Variants in CLSTN2 observed in about 807,000 individuals in gnomAD.
CLSTN2 encodes the protein calsyntenin 2.
Under a neutral mutation model 101.2 loss-of-function variants are expected in CLSTN2, and 48 were observed. The ratio of observed to expected loss-of-function variants is 0.47; its 90% CI spans 0.38 to 0.60. The LOEUF (loss-of-function observed/expected upper bound fraction) is 0.60. Ranked by LOEUF, CLSTN2 falls within the 20% of genes least tolerant of loss-of-function variation. CLSTN2 has a pLI of 0.00. For missense variants in CLSTN2, 1,160 were observed against 1,238.2 expected, an observed-to-expected ratio of 0.94 and a Z score of 0.95; for synonymous variants, 481 against 463.6, an observed-to-expected ratio of 1.04 and a Z score of -0.48.
In CLSTN2 at chr3:140,566,854, T is replaced by C. The variant is rs1041877660; in HGVS notation, c.*601T>C. 6.5e-6 allele frequency: 1 copy of C among 153,512 alleles called. No individual in the cohort carries two copies. 9.5% of individuals were successfully genotyped at this position (153,512 alleles called of 1,614,324 possible). On this transcript the variant is annotated 3_prime_UTR_variant, in exon 17 of 17. Transcript: ENST00000458420. ...TCTAGTTCCCCAGCTTGGAGAGCCT[T>C]TCCCCTTGCTTCTTTCTGAGGCCAT...
At chr3:140,150,255 T>C (rs2009841494) in intron 1 of CLSTN2, among the ~76,000 whole-genome samples, 1 of 152,206 alleles carries the variant, frequency 6.6e-6, no homozygotes, top group Admixed American at 6.5e-5. Flanking sequence ...GGAATGAGCG[T>C]TGCACAGTGA....
chr3:140,398,495 T>G (rs1042691770), intron 2 of CLSTN2, among the ~76,000 whole-genome samples: 1 of 152,174 alleles, frequency 6.6e-6, no homozygotes, highest in African/African-American at 2.4e-5. Flanking sequence ...AACATCTTAG[T>G]ATTAATATGA....
chr3:140,164,768 G>C (rs1330555045), intron 1 of CLSTN2, among the ~76,000 whole-genome samples: 2 of 152,186 alleles, frequency 1.3e-5, no homozygotes, highest in Admixed American at 1.3e-4. Flanking sequence ...AAAGGATATT[G>C]CCATATAGTT....
intron 2 of CLSTN2, among the ~76,000 whole-genome samples, chr3:140,318,551 T>TC (rs1309534400): frequency 6.6e-6 from 1 of 152,220 alleles, no homozygotes; most frequent in Non-Finnish European, 1.5e-5. Flanking sequence ...TCTCAGGCTG[T>TC]AACCTAAACA....
At chr3:140,438,872 G>A (rs1316949324) in intron 5 of CLSTN2, among the ~76,000 whole-genome samples, 1 of 152,200 alleles carries the variant, frequency 6.6e-6, no homozygotes, top group Non-Finnish European at 1.5e-5. Context: ...AGCTGAGAAG[G>A]GTGTGAGCTG....
intron 1 of CLSTN2, among the ~76,000 whole-genome samples, chr3:140,032,005 A>G (rs2007562163): frequency 6.6e-6 from 1 of 152,160 alleles, no homozygotes; most frequent in Admixed American, 6.5e-5. Flanking sequence ...CTCTGTAGCG[A>G]TGGGAACACT....
At position 140,562,326 on chromosome 3, in the gene CLSTN2, C is replaced by T. The variant is rs780414925; in HGVS notation, c.2212+18C>T. 1 of 1,604,448 alleles carries T rather than the reference C, an allele frequency of 6.2e-7. No homozygotes were observed. The highest frequency in any genetic ancestry group is 8.5e-7 in the Non-Finnish European group (1 of 1,176,200). ...CATCTACGGTAAGGCCACACTCAGC[C>T]CCCTTTGCCCCAAGGGTGTCCTCTT... On this transcript the variant is annotated intron_variant, in intron 13 of 16. Transcript: ENST00000458420.
At chr3:140,504,972 T>C (rs911596541) in intron 8 of CLSTN2, among the ~76,000 whole-genome samples, 1 of 152,202 alleles carries the variant, frequency 6.6e-6, no homozygotes, top group Non-Finnish European at 1.5e-5. Context: ...GTGCTTAAGA[T>C]CTTAGATATC....
chr3:140,192,265 G>A (rs995502183), intron 2 of CLSTN2, among the ~76,000 whole-genome samples: 2 of 151,750 alleles, frequency 1.3e-5, no homozygotes, highest in Non-Finnish European at 2.9e-5. Context: ...TATTCTGTGG[G>A]CACTTACTAC....
chr3:140,339,558 T>C (rs2087472336), intron 2 of CLSTN2, among the ~76,000 whole-genome samples: 1 of 152,124 alleles, frequency 6.6e-6, no homozygotes, highest in East Asian at 1.9e-4. Flanking sequence ...AAACTCGACC[T>C]ACTAAATGAG....
Position 140,403,987 on chromosome 3 carries a change from A to G in CLSTN2, c.428+163A>G, listed in dbSNP as rs368435868. On this transcript the variant is annotated intron_variant, in intron 3 of 16. Coordinates refer to ENST00000458420, the MANE Select transcript of CLSTN2 (RefSeq NM_022131.3). ...CCTGGTCCCATGCAGGCATCTTCCCAGTCTGCTTTCCACACCTGCAATATT... is the reference window on the plus strand; with the variant it reads ...CCTGGTCCCATGCAGGCATCTTCCCGGTCTGCTTTCCACACCTGCAATATT... Among the ~76,000 whole-genome samples, 34 of 152,226 alleles carry G rather than the reference A, an allele frequency of 2.2e-4. No homozygotes were observed. The East Asian group carries it at 5.8e-3, about 26-fold the overall frequency.
At chr3:140,461,834 C>T (rs1576581078) in intron 7 of CLSTN2, among the ~76,000 whole-genome samples, 1 of 151,888 alleles carries the variant, frequency 6.6e-6, no homozygotes, top group Non-Finnish European at 1.5e-5. Flanking sequence ...TCAGCTTGGG[C>T]CCTTATGTGA....
chr3:140,455,092 A>G (rs1933365212), intron 6 of CLSTN2, among the ~76,000 whole-genome samples: 2 of 152,224 alleles, frequency 1.3e-5, no homozygotes, highest in African/African-American at 4.8e-5. Context: ...TCATTGCTGC[A>G]TTCTCATGGC....
chr3:139,960,222 G>C (rs1687796642), intron 1 of CLSTN2, among the ~76,000 whole-genome samples: 1 of 152,180 alleles, frequency 6.6e-6, no homozygotes, highest in Non-Finnish European at 1.5e-5. Flanking sequence ...GCATGGGTTT[G>C]GAAAGTGATG....
chr3:140,201,630 T>A (rs1190911559), intron 2 of CLSTN2, among the ~76,000 whole-genome samples: 1 of 152,160 alleles, frequency 6.6e-6, no homozygotes, highest in African/African-American at 2.4e-5. Flanking sequence ...TTATTTATTT[T>A]AAAAATATTT....
intron 1 of CLSTN2, among the ~76,000 whole-genome samples, chr3:140,098,422 T>C (rs1209076199): frequency 6.6e-6 from 1 of 152,240 alleles, no homozygotes; most frequent in African/African-American, 2.4e-5. Flanking sequence ...TTACTTTTAA[T>C]GAGAAATCTC....
chr3:140,002,965 G>C (rs908349299), intron 1 of CLSTN2, among the ~76,000 whole-genome samples: 11 of 152,160 alleles, frequency 7.2e-5, no homozygotes, highest in African/African-American at 2.7e-4. Context: ...GGTTACTATA[G>C]CTGTGTAGTA....
At chr3:140,410,021 TAAAA>T in intron 4 of CLSTN2, among the ~76,000 whole-genome samples, 2 of 151,482 alleles carry the variant, frequency 1.3e-5, no homozygotes, top group South Asian at 4.2e-4. Context: ...ATGAAAAGAA[TAAAA>T]AAAATCAAGA....
At chr3:140,152,221 G>A (rs976721550) in intron 1 of CLSTN2, among the ~76,000 whole-genome samples, 6 of 151,872 alleles carry the variant, frequency 4.0e-5, no homozygotes, top group African/African-American at 1.4e-4. Flanking sequence ...GCTTTTCCAG[G>A]CAGAGCCACC....
Sources: allele counts gnomAD v4.1 joint callset (sites outside exome capture counted in the v4.1 genomes callset), GRCh38; gene constraint gnomAD v4.1.1; transcripts MANE v1.5; gene names NCBI Gene and HGNC (gene_info 2026-07-23, HGNC 2026-07-21).